Variants in NKAIN2 observed in about 807,000 individuals in gnomAD.
The protein encoded by NKAIN2 is sodium/potassium transporting ATPase interacting 2.
NKAIN2 carries 14 observed loss-of-function variants against 32.6 expected under a neutral mutation model. That is an observed-to-expected ratio of 0.43 (90% CI 0.28 to 0.67). The LOEUF (loss-of-function observed/expected upper bound fraction) is 0.67, where lower values mean the gene tolerates loss of function less well. NKAIN2 is among the 30% of genes least tolerant of loss of function. NKAIN2 has a pLI of 0.17. For missense variants in NKAIN2, 198 were observed against 258.3 expected (o/e 0.77, Z 1.60); for synonymous variants, 80 against 87.2 (o/e 0.92, Z 0.46).
chr6:124,315,880 A>G (rs1323129545), intron 2 of NKAIN2, among the ~76,000 whole-genome samples: 5 of 152,160 alleles, frequency 3.3e-5, no homozygotes, highest in African/African-American at 1.2e-4. Context: ...CTATTAAAAT[A>G]AAAACATTTT....
At chr6:124,145,727 G>T (rs1582733692) in intron 1 of NKAIN2, among the ~76,000 whole-genome samples, 1 of 151,962 alleles carries the variant, frequency 6.6e-6, no homozygotes, top group African/African-American at 2.4e-5. Context: ...GGGTGGTCTC[G>T]ATCTCATGAC....
intron 1 of NKAIN2, among the ~76,000 whole-genome samples, chr6:123,901,863 G>A (rs1165369803): frequency 2.6e-5 from 4 of 151,960 alleles, no homozygotes; most frequent in Non-Finnish European, 5.9e-5. Context: ...TTGATCTTTA[G>A]TTAGGTACAA....
chr6:123,937,964 C>T (rs1776594924), intron 1 of NKAIN2, among the ~76,000 whole-genome samples: 1 of 152,162 alleles, frequency 6.6e-6, no homozygotes, highest in African/African-American at 2.4e-5. Context: ...TTTCTCCTCC[C>T]TTGCTCCTCT....
rs1554222343 is a variant in NKAIN2 at position 123,911,787 on chromosome 6, A to ATATATATATATG, written c.54+107544_54+107545insGTATATATATAT. On this transcript the variant is annotated intron_variant, in intron 1 of 6. Transcript: ENST00000368417. The stretch of plus-strand genomic sequence containing the variant: ...GTCGTATATATACATACATACATAT[A>ATATATATATATG]TATATATATATATGTATATATATAT... 1.4e-3 allele frequency among the ~76,000 whole-genome samples: 98 copies of ATATATATATATG among 71,216 alleles called. 5 individuals are homozygous for ATATATATATATG. Among genetic ancestry groups the ATATATATATATG allele is most frequent in the East Asian group, 5.1e-3 (9 of 1,770 alleles). 46.7% of individuals were successfully genotyped at this position (71,216 alleles called of 152,430 possible). A position where few individuals can be genotyped will look rare whatever the true frequency, so the allele number is the denominator to read the frequency against.
intron 4 of NKAIN2, among the ~76,000 whole-genome samples, chr6:124,668,417 C>A (rs1772922131): frequency 6.6e-6 from 1 of 152,068 alleles, no homozygotes; most frequent in African/African-American, 2.4e-5. Context: ...TTATCATCAA[C>A]AACGTTATAA....
At chr6:124,713,884 G>C (rs1035394080) in intron 4 of NKAIN2, among the ~76,000 whole-genome samples, 15 of 152,308 alleles carry the variant, frequency 9.8e-5, no homozygotes, top group Admixed American at 3.3e-4. Flanking sequence ...CCACCTGTCA[G>C]AGATGCTATA....
chr6:123,946,677 G>A (rs1206296714), intron 1 of NKAIN2, among the ~76,000 whole-genome samples: 1 of 152,198 alleles, frequency 6.6e-6, no homozygotes, highest in Non-Finnish European at 1.5e-5. Flanking sequence ...TTGTAATACT[G>A]TGATAGAGTA....
At chr6:124,264,456 T>G (rs1794394599) in intron 1 of NKAIN2, among the ~76,000 whole-genome samples, 1 of 152,242 alleles carries the variant, frequency 6.6e-6, no homozygotes, top group Non-Finnish European at 1.5e-5. Context: ...TAAATTTTGG[T>G]TCGATTTTTC....
intron 4 of NKAIN2, among the ~76,000 whole-genome samples, chr6:124,744,686 C>T (rs147808308): frequency 4.8e-4 from 73 of 151,712 alleles, no homozygotes; most frequent in Non-Finnish European, 7.2e-4. Context: ...TATTTGGGGT[C>T]GTACATGGGC....
intron 3 of NKAIN2, among the ~76,000 whole-genome samples, chr6:124,430,132 G>T (rs1775152668): frequency 1.3e-5 from 2 of 152,104 alleles, no homozygotes. Flanking sequence ...TAAGGAAAAT[G>T]AATTACTGGA....
intron 1 of NKAIN2, among the ~76,000 whole-genome samples, chr6:123,978,445 C>T (rs1778741589): frequency 6.6e-6 from 1 of 152,100 alleles, no homozygotes; most frequent in Non-Finnish European, 1.5e-5. Flanking sequence ...GGAGTATAGC[C>T]TGTTAACAAT....
At chr6:124,606,174 TC>T (rs1782490087) in intron 3 of NKAIN2, among the ~76,000 whole-genome samples, 1 of 152,058 alleles carries the variant, frequency 6.6e-6, no homozygotes, top group African/African-American at 2.4e-5. Context: ...TCTCCTCACC[TC>T]TCACAATTCT....
intron 3 of NKAIN2, among the ~76,000 whole-genome samples, chr6:124,434,868 G>A (rs1299976770): frequency 6.6e-6 from 1 of 152,146 alleles, no homozygotes; most frequent in East Asian, 1.9e-4. Context: ...AGTTAAGTAT[G>A]CAAAAGATGG....
intron 1 of NKAIN2, among the ~76,000 whole-genome samples, chr6:124,037,685 A>G (rs1781665095): frequency 6.6e-6 from 1 of 152,146 alleles, no homozygotes; most frequent in Non-Finnish European, 1.5e-5. Context: ...CCATGTTATA[A>G]TAACATTTGT....
At chr6:123,988,607 A>G (rs1198410796) in intron 1 of NKAIN2, among the ~76,000 whole-genome samples, 1 of 152,152 alleles carries the variant, frequency 6.6e-6, no homozygotes, top group Non-Finnish European at 1.5e-5. Context: ...AATTCCCTGT[A>G]CCTCTTAAAG....
chr6:124,326,359 G>A (rs1430902324), intron 2 of NKAIN2, among the ~76,000 whole-genome samples: 2 of 152,148 alleles, frequency 1.3e-5, no homozygotes, highest in Admixed American at 6.6e-5. Context: ...TTCCTGTGGT[G>A]AATGCAGAGA....
chr6:124,379,139 AGGGGAG>A (rs1800125973), intron 3 of NKAIN2, among the ~76,000 whole-genome samples: 2 of 38,654 alleles, frequency 5.2e-5, no homozygotes, highest in Non-Finnish European at 1.0e-4. Flanking sequence ...AGGAGAGGGG[AGGGGAG>A]GGAGGGAGGG....
chr6:124,762,490 A>G (rs1405096745), intron 4 of NKAIN2, among the ~76,000 whole-genome samples: 1 of 152,208 alleles, frequency 6.6e-6, no homozygotes, highest in Non-Finnish European at 1.5e-5. Context: ...ATTTCTTCAT[A>G]AGAGAGAAAA....
At chr6:124,406,131 A>G (rs1336933366) in intron 3 of NKAIN2, among the ~76,000 whole-genome samples, 3 of 151,988 alleles carry the variant, frequency 2.0e-5, no homozygotes, top group Admixed American at 6.6e-5. Context: ...AAGTTTTGAC[A>G]TATGTATATA....
Sources: allele counts gnomAD v4.1 joint callset (sites outside exome capture counted in the v4.1 genomes callset), GRCh38; gene constraint gnomAD v4.1.1; transcripts MANE v1.5; gene names NCBI Gene and HGNC (gene_info 2026-07-23, HGNC 2026-07-21).